VBP1: variants seen among roughly 807,000 people sequenced by gnomAD.
VBP1 encodes VHL binding protein 1.
In VBP1, 4 loss-of-function variants were observed where a neutral mutation model predicts 15.5. The observed-to-expected ratio is 0.26, with a 90% CI of 0.13 to 0.59. The LOEUF is 0.59. Among genes scored for constraint, VBP1 ranks in the 20% least tolerant of loss-of-function variants. The probability of loss-of-function intolerance (pLI) is 0.90; values close to 1 mark genes in which losing one functional copy is unlikely to be tolerated. For missense variants in VBP1, 108 were observed against 139.6 expected, an observed-to-expected ratio of 0.77 and a Z score of 1.14; for synonymous variants, 61 against 52.1, an observed-to-expected ratio of 1.17 and a Z score of -0.74.
exon 2 of VBP1, chrX:155,208,959 C>A: frequency 8.7e-7 from 1 of 1,155,045 alleles, no homozygotes; most frequent in Non-Finnish European, 1.1e-6. Flanking sequence ...AGTAGTCCTT[C>A]CACTCCATCC....
chrX:155,216,655 G>T (rs1169426239), intron 1 of VBP1, 80 bp downstream of exon 1: 2 of 1,137,115 alleles, frequency 1.8e-6, no homozygotes, highest in African/African-American at 1.8e-5. Context: ...CCCAGGCCTC[G>T]ACTGTTGGAA....
chrX:155,225,955 C>T (rs1027925049), intron 2 of VBP1, among the ~76,000 whole-genome samples: 8 of 112,005 alleles, frequency 7.1e-5, no homozygotes, highest in Non-Finnish European at 9.4e-5. Flanking sequence ...GTCAGTAGCA[C>T]AGGGTGTAGT....
chrX:155,214,141 A>G (rs782296456), upstream of VBP1, among the ~76,000 whole-genome samples: 1 of 112,870 alleles, frequency 8.9e-6, no homozygotes, highest in East Asian at 2.8e-4. Flanking sequence ...GAAAACCATT[A>G]TCCAATTCAG....
At chrX:155,225,667 T>G (rs2074716335) in intron 2 of VBP1, among the ~76,000 whole-genome samples, 1 of 112,336 alleles carries the variant, frequency 8.9e-6, no homozygotes, top group African/African-American at 3.2e-5. Flanking sequence ...AGAATGCATC[T>G]TAAAAGTCAT....
At chrX:155,221,431 G>T in intron 2 of VBP1, among the ~76,000 whole-genome samples, 1 of 111,618 alleles carries the variant, frequency 9.0e-6, no homozygotes. Flanking sequence ...AACCCAGGAC[G>T]TTGAGGCTGC....
upstream of VBP1, among the ~76,000 whole-genome samples, chrX:155,213,989 C>T (rs988718323): frequency 2.1e-4 from 24 of 111,777 alleles, no homozygotes; most frequent in Admixed American, 9.5e-5. Context: ...CTACAAACTA[C>T]GGCTTGATCT....
chrX:155,219,197 A>G (rs915988533), intron 1 of VBP1, among the ~76,000 whole-genome samples: 1 of 112,069 alleles, frequency 8.9e-6, no homozygotes. Flanking sequence ...TGATGTGAAG[A>G]TCTTAGAAGC....
chrX:155,223,851 G>A (rs1319475112), intron 2 of VBP1, among the ~76,000 whole-genome samples: 20 of 108,990 alleles, frequency 1.8e-4, no homozygotes, highest in African/African-American at 6.0e-4. Flanking sequence ...CGGACGGGGC[G>A]GCTGCCAGGC....
At chrX:155,222,317 C>A (rs1250926521) in intron 2 of VBP1, among the ~76,000 whole-genome samples, 1 of 111,077 alleles carries the variant, frequency 9.0e-6, no homozygotes, top group Non-Finnish European at 1.9e-5. Context: ...AACCCTATAT[C>A]TACAAAAATT....
intron 2 of VBP1, among the ~76,000 whole-genome samples, chrX:155,211,227 G>A (rs1303697883): frequency 8.9e-6 from 1 of 111,799 alleles, no homozygotes; most frequent in Non-Finnish European, 1.9e-5. Flanking sequence ...TTTTTCATGT[G>A]AGTGTCTTAG....
intron 4 of VBP1, among the ~76,000 whole-genome samples, chrX:155,230,633 C>T (rs998886607): frequency 1.8e-5 from 2 of 110,608 alleles, no homozygotes; most frequent in East Asian, 2.8e-4. Context: ...AGTCCAAGTT[C>T]TTTGAGTGGC....
At chrX:155,221,169 A>G (rs1175292975) in intron 2 of VBP1, among the ~76,000 whole-genome samples, 1 of 111,120 alleles carries the variant, frequency 9.0e-6, no homozygotes, top group African/African-American at 3.3e-5. Context: ...CGTCTCTACT[A>G]AAATACAAAT....
At chrX:155,224,354 C>T (rs1469307227) in intron 2 of VBP1, among the ~76,000 whole-genome samples, 1 of 112,880 alleles carries the variant, frequency 8.9e-6, no homozygotes, top group Non-Finnish European at 1.9e-5. Context: ...AATCCCGGCA[C>T]CTCGGGAGGC....
chrX:155,223,140 ATTATT>A (rs1204303675), intron 2 of VBP1, among the ~76,000 whole-genome samples: 37 of 52,690 alleles, frequency 7.0e-4, no homozygotes, highest in South Asian at 2.7e-3. Flanking sequence ...TCAATTTGCT[ATTATT>A]TTATTTAGGA....
intron 2 of VBP1, among the ~76,000 whole-genome samples, chrX:155,221,912 A>G (rs2074691076): frequency 8.9e-6 from 1 of 112,490 alleles, no homozygotes; most frequent in Non-Finnish European, 1.9e-5. Context: ...TAATGGACAG[A>G]AGCAAGATAG....
chrX:155,230,615 C>G (rs1287075769), intron 4 of VBP1, among the ~76,000 whole-genome samples: 2 of 111,001 alleles, frequency 1.8e-5, no homozygotes, highest in Non-Finnish European at 3.8e-5. Context: ...TATCACATTC[C>G]GAGGAAAAGT....
chrX:155,201,518 T>C (rs1295274072), intron 1 of VBP1, among the ~76,000 whole-genome samples: 1 of 85,406 alleles, frequency 1.2e-5, no homozygotes, highest in African/African-American at 5.9e-5. Flanking sequence ...ACCACATGAT[T>C]ATCTCAATAG....
rs190925789 is a variant in VBP1, at chrX:155,239,127, G to A, written c.*285G>A. ...GGCCGAAAACTGTGAGACATGCTAT[G>A]GAAGCTGAATGCCGGACGCTAGCAC... On this transcript the variant is annotated 3_prime_UTR_variant, in exon 6 of 6. Coordinates refer to ENST00000286428, the MANE Select transcript of VBP1 (RefSeq NM_003372.7). The A allele has an allele frequency of 1.6e-4, 35 of 214,921 alleles. No individual in the cohort carries two copies. Among genetic ancestry groups the A allele is most frequent in the African/African-American group, 1.0e-3 (35 of 33,886 alleles). 17.7% of individuals were successfully genotyped at this position (214,921 alleles called of 1,213,427 possible).
rs192786707 is a variant in VBP1 at position 155,239,734 on chromosome X, G to C, written c.*892G>C. 3 of 112,377 alleles carry C rather than the reference G, an allele frequency of 2.7e-5. No homozygotes were observed. 9.3% of individuals were successfully genotyped at this position (112,377 alleles called of 1,213,427 possible). ...TTCTGATAAAAACATAAATGTATTAGTTCATCTCCATGTAGTAAAAAGTAT... is the reference window on the plus strand; with the variant it reads ...TTCTGATAAAAACATAAATGTATTACTTCATCTCCATGTAGTAAAAAGTAT... On this transcript the variant is annotated 3_prime_UTR_variant, in exon 6 of 6. Coordinates refer to ENST00000286428, the MANE Select transcript of VBP1 (RefSeq NM_003372.7).
Sources: gnomAD v4.1 joint callset for allele counts (sites outside exome capture counted in the v4.1 genomes callset) on GRCh38, gnomAD v4.1.1 for gene constraint, MANE v1.5 for transcripts, NCBI Gene and HGNC (gene_info 2026-07-23, HGNC 2026-07-21) for gene names.